The following RELN variants were observed in gnomAD, a reference collection of about 807,000 sequenced individuals.
RELN encodes the protein reelin.
RELN carries 108 observed loss-of-function variants against 427.6 expected under a neutral mutation model. The observed-to-expected ratio is 0.25, with a 90% CI of 0.22 to 0.30. The LOEUF (loss-of-function observed/expected upper bound fraction) is 0.30, where lower values mean the gene tolerates loss of function less well. RELN is among the 10% of genes least tolerant of loss of function. The pLI is 1.00. For missense variants in RELN, 3,715 were observed against 4,302.8 expected (o/e 0.86, Z 3.82); for synonymous variants, 1,524 against 1,513.4 (o/e 1.01, Z -0.16).
chr7:103,506,740 G>A (rs1008090291), intron 51 of RELN, among the ~76,000 whole-genome samples: 51 of 152,268 alleles, frequency 3.3e-4, no homozygotes, highest in Middle Eastern at 6.8e-3. Context: ...TGGGCTAAAT[G>A]CCCCAATTAA....
chr7:103,974,844 T>C (rs574655773), intron 1 of RELN, among the ~76,000 whole-genome samples: 1 of 152,346 alleles, frequency 6.6e-6, no homozygotes, highest in Non-Finnish European at 1.5e-5. Context: ...TAGCTACCCA[T>C]TCATCAAGAT....
At chr7:103,616,199 G>C (rs1832075116) in intron 20 of RELN, among the ~76,000 whole-genome samples, 1 of 151,930 alleles carries the variant, frequency 6.6e-6, no homozygotes, top group South Asian at 2.1e-4. Flanking sequence ...TATTTTCAAG[G>C]GTCCCACAGA....
chr7:103,950,781 A>G (rs947066512), intron 1 of RELN, among the ~76,000 whole-genome samples: 1 of 152,220 alleles, frequency 6.6e-6, no homozygotes, highest in Non-Finnish European at 1.5e-5. Flanking sequence ...CCAATGTTGG[A>G]TAACACCATG....
chr7:103,968,513 A>G lies in RELN; in HGVS notation c.226+20618T>C, dbSNP rs1796701136. On this transcript the variant is annotated intron_variant, in intron 1 of 64. Transcript: ENST00000428762. The surrounding 1 kb of genome is among the most constrained non-coding windows in gnomAD (Gnocchi z 4.3). Reference sequence around the variant, plus strand: ...AGAAAAAAAAATAAAAGTATGAAAGAAATTGTAAAAGGTAAGCAAATGTAA... The same window carrying G: ...AGAAAAAAAAATAAAAGTATGAAAGGAATTGTAAAAGGTAAGCAAATGTAA... Among the ~76,000 whole-genome samples, 1 of 152,194 alleles carries G rather than the reference A, an allele frequency of 6.6e-6. No individual in the cohort carries two copies. The highest frequency in any genetic ancestry group is 1.5e-5 in the Non-Finnish European group (1 of 68,038).
chr7:103,808,564 A>G (rs1792658320), intron 3 of RELN, among the ~76,000 whole-genome samples: 1 of 152,052 alleles, frequency 6.6e-6, no homozygotes, highest in African/African-American at 2.4e-5. Flanking sequence ...AAAAAATACA[A>G]CTTTAAGAAA....
chr7:103,620,172 T>C lies in RELN; in HGVS notation c.2703-8369A>G, dbSNP rs1220521666. Among the ~76,000 whole-genome samples, 2 of 152,200 alleles carry C rather than the reference T, an allele frequency of 1.3e-5. No homozygotes were observed. The highest frequency in any genetic ancestry group is 2.4e-5 in the African/African-American group (1 of 41,454). On this transcript the variant is annotated intron_variant, in intron 20 of 64. Transcript: ENST00000428762. This position sits in a 1 kb window ranked among gnomAD's most constrained non-coding sequence, Gnocchi z 4.1. ...AGTCTCATGAGAACTGATGATTTTA[T>C]AAGGCTTTTGCTTGACTCTCATTTT...
At chr7:103,667,546 A>T (rs997570319) in intron 11 of RELN, among the ~76,000 whole-genome samples, 2 of 152,188 alleles carry the variant, frequency 1.3e-5, no homozygotes, top group African/African-American at 4.8e-5. Context: ...AATAAATATA[A>T]TGTTTATTAG....
chr7:103,757,481 G>C (rs996800479), intron 4 of RELN, among the ~76,000 whole-genome samples: 5 of 152,026 alleles, frequency 3.3e-5, no homozygotes, highest in African/African-American at 1.2e-4. Flanking sequence ...CAACTCTTTT[G>C]AATTTAAAAT....
intron 37 of RELN, 103 bp from the exon 38 acceptor site, chr7:103,557,262 G>T: frequency 1.0e-6 from 1 of 990,522 alleles, no homozygotes; most frequent in South Asian, 1.4e-5. Context: ...GAGAACTTAT[G>T]TTTACATGGA....
chr7:103,931,476 G>T (rs1304380665), intron 1 of RELN, among the ~76,000 whole-genome samples: 2 of 152,188 alleles, frequency 1.3e-5, no homozygotes, highest in African/African-American at 4.8e-5. Flanking sequence ...TTGGTAAGGT[G>T]TAAGTGCCTT....
At chr7:103,814,334 C>T (rs577775870) in intron 3 of RELN, among the ~76,000 whole-genome samples, 44 of 152,226 alleles carry the variant, frequency 2.9e-4, no homozygotes, top group Non-Finnish European at 4.0e-4. Context: ...AGATGAAAGA[C>T]GGATCACCTG....
At chr7:103,767,026 G>A (rs1385092544) in intron 4 of RELN, among the ~76,000 whole-genome samples, 1 of 152,202 alleles carries the variant, frequency 6.6e-6, no homozygotes, top group East Asian at 1.9e-4. Context: ...ATCTGGTCTT[G>A]CTAAATAATC....
chr7:103,980,588 G>C (rs542137299), intron 1 of RELN, among the ~76,000 whole-genome samples: 45 of 152,170 alleles, frequency 3.0e-4, no homozygotes, highest in Non-Finnish European at 5.7e-4. Flanking sequence ...CTACACAGCA[G>C]CTTTGCCATC....
chr7:103,843,146 T>C (rs1793594024), intron 2 of RELN, among the ~76,000 whole-genome samples: 1 of 152,102 alleles, frequency 6.6e-6, no homozygotes, highest in Non-Finnish European at 1.5e-5. Flanking sequence ...GCACACAGTG[T>C]TGTACATGTT....
At chr7:103,531,630 A>T (rs116408482) in intron 46 of RELN, among the ~76,000 whole-genome samples, 2,039 of 152,180 alleles carry the variant, frequency 0.013, 44 homozygotes, top group African/African-American at 0.046. Context: ...ATGTCTCTTG[A>T]CTTTCTCCAC....
intron 2 of RELN, among the ~76,000 whole-genome samples, chr7:103,898,129 A>G (rs1795002484): frequency 6.6e-6 from 1 of 152,010 alleles, no homozygotes; most frequent in Non-Finnish European, 1.5e-5. Context: ...CAGCTTCTTA[A>G]GTAGGTGAGT....
At chr7:103,665,645 T>C (rs943739711) in intron 11 of RELN, among the ~76,000 whole-genome samples, 1 of 152,166 alleles carries the variant, frequency 6.6e-6, no homozygotes, top group African/African-American at 2.4e-5. Context: ...GGTTGCTTTT[T>C]TGTCTTTGGT....
At chr7:103,677,051 C>G (rs1404531010) in intron 11 of RELN, among the ~76,000 whole-genome samples, 2 of 143,850 alleles carry the variant, frequency 1.4e-5, no homozygotes, top group Non-Finnish European at 3.1e-5. Flanking sequence ...AAAAAATGTG[C>G]CACATATACA....
intron 3 of RELN, among the ~76,000 whole-genome samples, chr7:103,786,779 A>G (rs1335501115): frequency 6.6e-6 from 1 of 152,136 alleles, no homozygotes. Context: ...GACTGTCGAT[A>G]TTAGACAGAT....
Sources: gnomAD v4.1 joint callset for allele counts (sites outside exome capture counted in the v4.1 genomes callset) on GRCh38, gnomAD v4.1.1 for gene constraint, Gnocchi (gnomAD v3.1) non-coding constraint, MANE v1.5 for transcripts, NCBI Gene and HGNC (gene_info 2026-07-23, HGNC 2026-07-21) for gene names.